NCF2: variants seen among roughly 807,000 people sequenced by gnomAD.
NCF2 encodes neutrophil cytosolic factor 2, also known as neutrophil cytosol factor 2.
A neutral mutation model predicts 70.9 loss-of-function variants in NCF2; 45 were observed. That is an observed-to-expected ratio of 0.63 (90% confidence interval 0.50 to 0.81). The LOEUF is 0.81. Ranked by LOEUF, NCF2 falls within the 40% of genes least tolerant of loss-of-function variation. NCF2 has a pLI of 0.00. For synonymous variants in NCF2, 203 were observed against 233.6 expected (o/e 0.87, Z 1.19); for missense variants, 522 against 631.6 (o/e 0.83, Z 1.86).
chr1:183,580,156 G>A (rs1672994721), intron 2 of NCF2, among the ~76,000 whole-genome samples: 1 of 152,206 alleles, frequency 6.6e-6, no homozygotes, highest in Non-Finnish European at 1.5e-5. Context: ...CAGTGGCTAT[G>A]CGGGAAATAA....
intron 2 of NCF2, among the ~76,000 whole-genome samples, chr1:183,584,205 T>G (rs1673237108): frequency 1.3e-5 from 2 of 152,334 alleles, no homozygotes; most frequent in South Asian, 4.1e-4. Context: ...CTATAGCCCC[T>G]GAATTGTACA....
chr1:183,567,674 C>A (rs561377969), intron 7 of NCF2, among the ~76,000 whole-genome samples: 2 of 152,242 alleles, frequency 1.3e-5, no homozygotes, highest in South Asian at 4.1e-4. Context: ...GCACCCAAGG[C>A]TGGGCTGGGG....
upstream of NCF2, chr1:183,590,735 T>C (rs1488575422): frequency 1.1e-5 from 3 of 262,336 alleles, no homozygotes. Flanking sequence ...GTTCTGCTTC[T>C]AGAGCCAGGG....
upstream of NCF2, among the ~76,000 whole-genome samples, chr1:183,594,705 C>T (rs11580439): frequency 0.1 from 15,587 of 152,118 alleles, 893 homozygotes; most frequent in Admixed American, 0.16. Flanking sequence ...TCCAAATAAG[C>T]AAGATTTGCA....
the NCF2 span, among the ~76,000 whole-genome samples, chr1:183,600,525 G>C: frequency 6.6e-6 from 1 of 152,110 alleles, no homozygotes; most frequent in African/African-American, 2.4e-5. Context: ...CAGGGCTCTC[G>C]TTCTGAACTG....
chr1:183,569,139 T>TA lies in NCF2; in HGVS notation c.713+2dup. On this transcript the variant is annotated splice_region_variant and intron_variant, in intron 7 of 14. Transcript: ENST00000367535. ...TCTATTTATGGATTTGAATCTAACT[T>TA]ACCTGAAGATCTCTGGGGTTTTCGG... 1 of 1,613,534 alleles carries TA rather than the reference T, an allele frequency of 6.2e-7. No homozygotes were observed. The highest frequency in any genetic ancestry group is 1.7e-5 in the Admixed American group (1 of 60,018).
chr1:183,573,800 C>T (rs1379932677), intron 4 of NCF2, among the ~76,000 whole-genome samples: 1 of 152,198 alleles, frequency 6.6e-6, no homozygotes, highest in African/African-American at 2.4e-5. Context: ...AAAATCAAAA[C>T]ATATTTTAGG....
At position 183,577,620 on chromosome 1, in the gene NCF2, C is replaced by A; in HGVS notation, c.345G>T (p.Gln115His). 1.2e-6 allele frequency: 2 copies of A among 1,613,678 alleles called. No individual in the cohort carries two copies. The highest frequency in any genetic ancestry group is 2.2e-5 in the South Asian group (2 of 91,080). ...QLIDYKILGLQFKLFACEVLY... is the reference protein window; with the variant it reads ...QLIDYKILGLHFKLFACEVLY... ...TTACCTCACAGGCAAACAGCTTGAA[C>A]TGGAGCCCCAGGATCTTATAGTCTA... The change falls in exon 3 of 15, where the codon CAG becomes CAT. Residue 115 changes from glutamine to histidine, a missense_variant. Coordinates refer to ENST00000367535, the MANE Select transcript of NCF2 (RefSeq NM_000433.4).
chr1:183,563,640 A>C, intron 11 of NCF2, 55 bp from the exon 12 acceptor site: 7 of 1,607,430 alleles, frequency 4.4e-6, no homozygotes, highest in Non-Finnish European at 6.0e-6. Flanking sequence ...TTCTCTCAAC[A>C]TCCTGGATCA....
intron 2 of NCF2, 115 bp from the exon 3 acceptor site, chr1:183,577,822 C>T (rs1672867111): frequency 5.0e-6 from 4 of 798,438 alleles, no homozygotes; most frequent in South Asian, 4.3e-5. Flanking sequence ...AGAAGCCTTT[C>T]AGTTCCTTTT....
chr1:183,579,790 C>A (rs1208354370), intron 2 of NCF2, among the ~76,000 whole-genome samples: 2 of 146,392 alleles, frequency 1.4e-5, no homozygotes, highest in African/African-American at 2.5e-5. Context: ...ATATACCTCA[C>A]AGGTTCATTG....
chr1:183,559,553 TTAA>T (rs1197783831), intron 14 of NCF2, among the ~76,000 whole-genome samples: 1 of 152,142 alleles, frequency 6.6e-6, no homozygotes, highest in Admixed American at 6.5e-5. Context: ...ATACTCCTCT[TTAA>T]TAATCAAGAT....
intron 14 of NCF2, among the ~76,000 whole-genome samples, chr1:183,559,506 G>C (rs1671942720): frequency 1.3e-5 from 2 of 152,194 alleles, no homozygotes; most frequent in African/African-American, 4.8e-5. Context: ...AGCCCAATTT[G>C]TTACCTCTGG....
chr1:183,596,759 G>T, the NCF2 span, among the ~76,000 whole-genome samples: 1 of 150,908 alleles, frequency 6.6e-6, no homozygotes, highest in Non-Finnish European at 1.5e-5. Context: ...AAAAAAAATT[G>T]CCCTTTGACA....
chr1:183,596,229 C>T, the NCF2 span, among the ~76,000 whole-genome samples: 1 of 150,028 alleles, frequency 6.7e-6, no homozygotes, highest in Non-Finnish European at 1.5e-5. Flanking sequence ...AGTGTGATTA[C>T]TTAATTTGCT....
At chr1:183,562,909 T>C (rs751464263) in intron 13 of NCF2, among the ~76,000 whole-genome samples, 2 of 151,332 alleles carry the variant, frequency 1.3e-5, no homozygotes, top group East Asian at 2.0e-4. Context: ...TTGACAGTAA[T>C]GGATGGGATG....
chr1:183,595,387 T>G (rs1304932757), upstream of NCF2, among the ~76,000 whole-genome samples: 1 of 152,208 alleles, frequency 6.6e-6, no homozygotes. Flanking sequence ...GTCTAATCTG[T>G]CGTTGGGTTG....
chr1:183,570,745 A>C, intron 6 of NCF2, 35 bp downstream of exon 6: 1 of 1,606,532 alleles, frequency 6.2e-7, no homozygotes, highest in South Asian at 1.1e-5. Flanking sequence ...AGCTCTCGAG[A>C]CCTAGGTCCA....
chr1:183,581,700 G>C (rs1256059150), intron 2 of NCF2, among the ~76,000 whole-genome samples: 1 of 150,926 alleles, frequency 6.6e-6, no homozygotes, highest in Non-Finnish European at 1.5e-5. Flanking sequence ...ACAGAGTCTC[G>C]CTCTGTTGCC....
Sources: allele counts gnomAD v4.1 joint callset (sites outside exome capture counted in the v4.1 genomes callset), GRCh38; gene constraint gnomAD v4.1.1; transcripts MANE v1.5; gene names NCBI Gene and HGNC (gene_info 2026-07-23, HGNC 2026-07-21).